Variants in WDPCP observed in about 807,000 individuals in gnomAD.
The protein encoded by WDPCP is WD repeat-containing and planar cell polarity effector protein fritz homolog.
In WDPCP, 71 loss-of-function variants were observed where a neutral mutation model predicts 93.1. The observed-to-expected ratio is 0.76, with a 90% CI of 0.63 to 0.93. The LOEUF (loss-of-function observed/expected upper bound fraction) is 0.93. Among genes scored for constraint, WDPCP ranks in the 40% least tolerant of loss-of-function variants. The pLI is 0.00. For missense variants in WDPCP, 844 were observed against 887.4 expected (o/e 0.95, Z 0.62); for synonymous variants, 315 against 315.0 (o/e 1.00, Z 0.00).
intron 14 of WDPCP, among the ~76,000 whole-genome samples, chr2:63,207,050 A>G (rs1455503866): frequency 6.6e-6 from 1 of 152,182 alleles, no homozygotes; most frequent in African/African-American, 2.4e-5. Context: ...CACTGTAGTT[A>G]CTTCATATGA....
At chr2:63,358,361 T>C (rs1194424313) in intron 12 of WDPCP, among the ~76,000 whole-genome samples, 3 of 152,186 alleles carry the variant, frequency 2.0e-5, no homozygotes, top group African/African-American at 7.2e-5. Context: ...ACCTTACAGA[T>C]TTAAAAATGT....
At chr2:63,366,174 C>T (rs549084736) in intron 12 of WDPCP, among the ~76,000 whole-genome samples, 1 of 152,222 alleles carries the variant, frequency 6.6e-6, no homozygotes, top group South Asian at 2.1e-4. Context: ...CAAAAGGAGG[C>T]ATTTTGTTTC....
intron 8 of WDPCP, 60 bp downstream of exon 8, chr2:63,437,361 T>A (rs972236111): frequency 4.6e-6 from 6 of 1,309,940 alleles, no homozygotes; most frequent in Non-Finnish European, 6.3e-6. Context: ...TACCAACTTA[T>A]GTGATACTCT....
intron 2 of WDPCP, among the ~76,000 whole-genome samples, chr2:63,749,248 T>C (rs1229743166): frequency 6.6e-6 from 1 of 152,054 alleles, no homozygotes; most frequent in Non-Finnish European, 1.5e-5. Context: ...GTGGGCTCTG[T>C]AGATTCAGGA....
chr2:63,604,331 C>T (rs1426787708), intron 3 of WDPCP, among the ~76,000 whole-genome samples: 1 of 152,200 alleles, frequency 6.6e-6, no homozygotes, highest in Non-Finnish European at 1.5e-5. Flanking sequence ...TAAACATTAA[C>T]AGTGAAACAA....
At chr2:63,444,941 T>C (rs1697749383) in intron 6 of WDPCP, among the ~76,000 whole-genome samples, 1 of 152,170 alleles carries the variant, frequency 6.6e-6, no homozygotes, top group Non-Finnish European at 1.5e-5. Context: ...GAAGGTGAGC[T>C]TTCTCTTTAA....
chr2:63,811,258 T>G (rs1034605462), intron 2 of WDPCP, among the ~76,000 whole-genome samples: 1 of 152,216 alleles, frequency 6.6e-6, no homozygotes, highest in African/African-American at 2.4e-5. Context: ...GGGCAGGACC[T>G]TTAACTTGTT....
At chr2:63,200,935 G>A (rs756971164) in intron 14 of WDPCP, among the ~76,000 whole-genome samples, 3 of 152,100 alleles carry the variant, frequency 2.0e-5, no homozygotes, top group Admixed American at 1.3e-4. Flanking sequence ...GTTTTGAAAT[G>A]TGAGAAGGAC....
chr2:63,382,729 G>T (rs1358588634), intron 10 of WDPCP, among the ~76,000 whole-genome samples: 1 of 152,068 alleles, frequency 6.6e-6, no homozygotes, highest in African/African-American at 2.4e-5. Context: ...TAGTTCATGA[G>T]AAAGATGCTA....
At chr2:63,670,327 A>G (rs1710330510) in intron 2 of WDPCP, among the ~76,000 whole-genome samples, 1 of 152,196 alleles carries the variant, frequency 6.6e-6, no homozygotes, top group African/African-American at 2.4e-5. Context: ...CTGGCTACAG[A>G]GCCCCTTTTC....
intron 1 of WDPCP, among the ~76,000 whole-genome samples, chr2:63,550,105 T>C (rs117862294): frequency 3.4e-4 from 52 of 152,172 alleles, no homozygotes; most frequent in African/African-American, 9.6e-4. Flanking sequence ...TCTGCCATTA[T>C]ACTGGCTTCT....
In WDPCP at chr2:63,529,454, C is replaced by G. The variant is rs950247020; in HGVS notation, c.76-36514G>C. ...TGTTGAATTTTGTCAAAGGCCTTTT[C>G]TGCATCTATTGAGATAATCATGTGG... On this transcript the variant is annotated intron_variant, in intron 1 of 17. Coordinates refer to ENST00000272321, the MANE Select transcript of WDPCP (RefSeq NM_015910.7). Among the ~76,000 whole-genome samples, 15 of 152,250 alleles carry G rather than the reference C, an allele frequency of 9.9e-5. No homozygotes were observed. In the Middle Eastern group the frequency reaches 0.01, roughly 104 times the overall value.
intron 1 of WDPCP, among the ~76,000 whole-genome samples, chr2:63,817,769 G>C (rs1670958546): frequency 6.6e-6 from 1 of 152,260 alleles, no homozygotes; most frequent in South Asian, 2.1e-4. Context: ...GAGTGAGGGG[G>C]AAAAATTATA....
chr2:63,503,654 A>G (rs1701693261), intron 1 of WDPCP, among the ~76,000 whole-genome samples: 2 of 152,188 alleles, frequency 1.3e-5, no homozygotes, highest in African/African-American at 2.4e-5. Flanking sequence ...CAATGTAACA[A>G]TGATAATTAA....
At chr2:63,298,139 T>C (rs946935946) in intron 13 of WDPCP, among the ~76,000 whole-genome samples, 1 of 152,108 alleles carries the variant, frequency 6.6e-6, no homozygotes, top group African/African-American at 2.4e-5. Flanking sequence ...CAGGTGCATA[T>C]ACCAGTCCAA....
rs1709754219 is a variant in WDPCP at position 63,622,486 on chromosome 2, C to T, written n.488+28173G>A. The T allele has an allele frequency of 3.1e-6, 5 of 1,613,898 alleles. No homozygotes were observed. In the East Asian group the frequency reaches 8.9e-5, roughly 29 times the overall value. On this transcript the variant is annotated intron_variant and non_coding_transcript_variant, in intron 3 of 4. Transcript: ENST00000467687. ...GTCCAGCCGCTGTTGTCAGAGTTCA[C>T]ACAGTAAACACATCGTTCCTCCACC...
At chr2:63,327,973 C>T (rs1687689105) in intron 12 of WDPCP, among the ~76,000 whole-genome samples, 1 of 152,158 alleles carries the variant, frequency 6.6e-6, no homozygotes, top group Non-Finnish European at 1.5e-5. Flanking sequence ...CCTTCTTCGC[C>T]CCTATCCGGC....
intron 2 of WDPCP, among the ~76,000 whole-genome samples, chr2:63,658,151 C>G (rs1254718828): frequency 6.6e-6 from 1 of 152,116 alleles, no homozygotes; most frequent in African/African-American, 2.4e-5. Context: ...TTGCCGTAAT[C>G]TTGCTTCACA....
intron 6 of WDPCP, among the ~76,000 whole-genome samples, chr2:63,457,215 C>T (rs1283509390): frequency 1.3e-5 from 2 of 151,906 alleles, no homozygotes; most frequent in African/African-American, 4.8e-5. Context: ...TGCTAACGAA[C>T]TAAAAAATCT....
Sources: allele counts gnomAD v4.1 joint callset (sites outside exome capture counted in the v4.1 genomes callset), GRCh38; gene constraint gnomAD v4.1.1; transcripts MANE v1.5; gene names NCBI Gene and HGNC (gene_info 2026-07-23, HGNC 2026-07-21).